Variants in CNBD1 observed in about 807,000 individuals in gnomAD.
The protein encoded by CNBD1 is cyclic nucleotide-binding domain-containing protein 1.
CNBD1 carries 71 observed loss-of-function variants against 54.4 expected under a neutral mutation model. The ratio of observed to expected loss-of-function variants is 1.30; its 90% CI spans 1.08 to 1.59. CNBD1 has a LOEUF of 1.59. Ranked by LOEUF, CNBD1 falls within the 40% of genes most tolerant of loss-of-function variation. The probability of loss-of-function intolerance (pLI) is 0.00; values close to 1 mark genes in which losing one functional copy is unlikely to be tolerated. For missense variants in CNBD1, 659 were observed against 518.0 expected (o/e 1.27, Z -2.64); for synonymous variants, 182 against 170.7 (o/e 1.07, Z -0.51).
chr8:87,152,265 TG>T (rs1812620475), intron 4 of CNBD1, among the ~76,000 whole-genome samples: 1 of 152,052 alleles, frequency 6.6e-6, no homozygotes, highest in Non-Finnish European at 1.5e-5. Context: ...AGTAGGGCTT[TG>T]CTAAAGAGAA....
chr8:87,204,667 C>T (rs987308829), intron 4 of CNBD1, among the ~76,000 whole-genome samples: 1 of 152,110 alleles, frequency 6.6e-6, no homozygotes, highest in Admixed American at 6.6e-5. Context: ...TTTCTAGGCA[C>T]TTGATCTGCC....
chr8:86,983,194 G>T (rs1808526652), intron 4 of CNBD1, among the ~76,000 whole-genome samples: 1 of 152,146 alleles, frequency 6.6e-6, no homozygotes, highest in Non-Finnish European at 1.5e-5. Flanking sequence ...TAGTGAATAA[G>T]TCTCACAAGA....
At chr8:86,918,266 A>G (rs1315114771) in intron 3 of CNBD1, among the ~76,000 whole-genome samples, 1 of 152,208 alleles carries the variant, frequency 6.6e-6, no homozygotes, top group Non-Finnish European at 1.5e-5. Flanking sequence ...TTAAAGATGC[A>G]TCATACACTC....
intron 8 of CNBD1, among the ~76,000 whole-genome samples, chr8:87,326,276 T>G (rs1016100151): frequency 8.1e-6 from 1 of 123,022 alleles, no homozygotes; most frequent in African/African-American, 3.0e-5. Context: ...CTGACAATGA[T>G]GTGTCTTGGA....
At chr8:86,945,459 T>G (rs955549901) in intron 4 of CNBD1, among the ~76,000 whole-genome samples, 6 of 152,188 alleles carry the variant, frequency 3.9e-5, no homozygotes, top group Admixed American at 3.3e-4. Context: ...AAATGCAATA[T>G]GGTTCTTATG....
chr8:86,920,202 C>T (rs893984917), intron 3 of CNBD1, among the ~76,000 whole-genome samples: 2 of 152,118 alleles, frequency 1.3e-5, no homozygotes, highest in Admixed American at 6.6e-5. Flanking sequence ...GCATGTTGCA[C>T]TTAATGTGCA....
intron 2 of CNBD1, among the ~76,000 whole-genome samples, chr8:87,410,218 G>A (rs975813355): frequency 2.0e-5 from 3 of 152,058 alleles, no homozygotes; most frequent in African/African-American, 7.2e-5. Context: ...AGATCCACAT[G>A]CCTGCTACCA....
chr8:86,891,149 C>A (rs1197606852), intron 2 of CNBD1, among the ~76,000 whole-genome samples: 5 of 151,924 alleles, frequency 3.3e-5, no homozygotes, highest in African/African-American at 2.4e-5. Flanking sequence ...AGGTCATACT[C>A]AAAAAATCGT....
At chr8:87,042,943 CTG>C (rs1810104102) in intron 4 of CNBD1, among the ~76,000 whole-genome samples, 2 of 151,930 alleles carry the variant, frequency 1.3e-5, no homozygotes, top group East Asian at 1.9e-4. Flanking sequence ...CATATGTGTG[CTG>C]TGTGTGTTGT....
chr8:87,022,586 C>T (rs1190635752), intron 4 of CNBD1, among the ~76,000 whole-genome samples: 2 of 152,142 alleles, frequency 1.3e-5, no homozygotes, highest in Admixed American at 6.6e-5. Context: ...CTTCAGATGA[C>T]CTTGATTACA....
In CNBD1 at chr8:86,998,073, T is replaced by C. The variant is rs1260522832; in HGVS notation, c.431+58319T>C. On this transcript the variant is annotated intron_variant, in intron 4 of 10. Transcript: ENST00000518476. ...AAAATACTGGTTTGTTGCAGTTGAT[T>C]CTTGTTACTTGCAACCATTCTGGTC... 3.3e-5 allele frequency among the ~76,000 whole-genome samples: 5 copies of C among 152,182 alleles called. No homozygotes were observed. The East Asian group carries it at 9.6e-4, about 29-fold the overall frequency.
intron 4 of CNBD1, among the ~76,000 whole-genome samples, chr8:87,117,067 C>A (rs867647339): frequency 6.6e-6 from 1 of 152,030 alleles, no homozygotes; most frequent in African/African-American, 2.4e-5. Flanking sequence ...CTTTGAATGG[C>A]GAATTAACCA....
chr8:87,346,232 G>C (rs1453055044), intron 8 of CNBD1, among the ~76,000 whole-genome samples: 1 of 151,786 alleles, frequency 6.6e-6, no homozygotes, highest in African/African-American at 2.4e-5. Flanking sequence ...GTAGAGATGG[G>C]GTTTCTCCAT....
At chr8:87,082,393 T>C (rs942248934) in intron 4 of CNBD1, among the ~76,000 whole-genome samples, 10 of 152,202 alleles carry the variant, frequency 6.6e-5, no homozygotes, top group African/African-American at 2.2e-4. Context: ...ATAAACAGCC[T>C]TGTTGCTCAC....
intron 8 of CNBD1, among the ~76,000 whole-genome samples, chr8:87,340,589 T>C (rs1810046283): frequency 6.6e-6 from 1 of 152,136 alleles, no homozygotes; most frequent in South Asian, 2.1e-4. Flanking sequence ...TTCACTCTTT[T>C]ACTCTTTTTC....
At chr8:87,374,332 G>A (rs79557091) in intron 10 of CNBD1, among the ~76,000 whole-genome samples, 2,861 of 151,834 alleles carry the variant, frequency 0.019, 90 homozygotes, top group African/African-American at 0.062. Flanking sequence ...TAGGAAGCCT[G>A]TAATAAAATA....
intron 4 of CNBD1, among the ~76,000 whole-genome samples, chr8:87,082,653 C>CTGTGTG (rs372062301): frequency 1.3e-5 from 2 of 149,422 alleles, no homozygotes; most frequent in African/African-American, 4.9e-5. Flanking sequence ...CAACTGAACC[C>CTGTGTG]TGTGTGTGTG....
chr8:87,057,846 C>A (rs1469268165), intron 4 of CNBD1, among the ~76,000 whole-genome samples: 2 of 151,984 alleles, frequency 1.3e-5, no homozygotes, highest in Admixed American at 6.6e-5. Flanking sequence ...AAGACTCCAT[C>A]TAAAAAACAG....
chr8:87,379,292 A>C (rs926142932), intron 10 of CNBD1, among the ~76,000 whole-genome samples: 1 of 152,014 alleles, frequency 6.6e-6, no homozygotes. Context: ...GGAGACTTTA[A>C]CACCCCACTG....
Sources: gnomAD v4.1 joint callset for allele counts (sites outside exome capture counted in the v4.1 genomes callset) on GRCh38, gnomAD v4.1.1 for gene constraint, MANE v1.5 for transcripts, NCBI Gene and HGNC (gene_info 2026-07-23, HGNC 2026-07-21) for gene names.